Variants in HYDIN observed in about 807,000 individuals in gnomAD.
HYDIN encodes axonemal central pair apparatus protein HYDIN.
In HYDIN, 132 loss-of-function variants were observed where a neutral mutation model predicts 403.9. The ratio of observed to expected loss-of-function variants is 0.33; its 90% CI spans 0.28 to 0.38. HYDIN has a LOEUF of 0.38. HYDIN is among the 10% of genes least tolerant of loss of function. HYDIN has a pLI of 1.00. For synonymous variants in HYDIN, 1,202 were observed against 1,891.7 expected (o/e 0.64, Z 9.46); for missense variants, 2,827 against 5,009.5 (o/e 0.56, Z 13.15).
At chr16:71,009,900 AC>A (rs1273650025) in intron 23 of HYDIN, among the ~76,000 whole-genome samples, 23 of 119,494 alleles carry the variant, frequency 1.9e-4, no homozygotes, top group African/African-American at 8.6e-4. Context: ...CCCTGTCCAT[AC>A]CTTGGTTCTG....
At chr16:70,982,467 T>C (rs1382637870) in intron 28 of HYDIN, among the ~76,000 whole-genome samples, 1 of 149,142 alleles carries the variant, frequency 6.7e-6, no homozygotes, top group African/African-American at 2.5e-5. Context: ...TATTCTGATA[T>C]CCAAACTGAT....
intron 1 of HYDIN, among the ~76,000 whole-genome samples, chr16:71,205,535 C>G (rs560671366): frequency 1.3e-5 from 2 of 152,340 alleles, no homozygotes; most frequent in African/African-American, 4.8e-5. Context: ...AAGCCTTGGG[C>G]CCCAGAGCAG....
chr16:71,004,384 T>G (rs1228750969), intron 23 of HYDIN, among the ~76,000 whole-genome samples: 1 of 151,824 alleles, frequency 6.6e-6, no homozygotes, highest in Non-Finnish European at 1.5e-5. Flanking sequence ...TAACATGTCT[T>G]CATATTTTAA....
chr16:70,896,644 T>C (rs1774440), intron 53 of HYDIN, among the ~76,000 whole-genome samples: 18 of 147,964 alleles, frequency 1.2e-4, no homozygotes, highest in Non-Finnish European at 1.8e-4. Flanking sequence ...ATGTGAGCCA[T>C]CATGCCCAAC....
intron 18 of HYDIN, among the ~76,000 whole-genome samples, chr16:71,052,215 GAACAGTGCCTGATACATA>G (rs1278651642): frequency 6.6e-6 from 1 of 152,136 alleles, no homozygotes; most frequent in Non-Finnish European, 1.5e-5. Flanking sequence ...AAAGGACTTA[GAACAGTGCCTGATACATA>G]ACAAGTGTTA....
At position 70,955,438 on chromosome 16, in the gene HYDIN, G is replaced by A. The variant is rs752398645; in HGVS notation, c.6253C>T (p.Arg2085Trp). The A allele has an allele frequency of 3.4e-5, 55 of 1,613,944 alleles. No homozygotes were observed. The highest frequency in any genetic ancestry group is 4.0e-5 in the Non-Finnish European group (47 of 1,179,990). ...GCCCTGATGCAGAGCTCACGGGCCC[G>A]GATCCCTGGGATGTTGTTGCTGTTG... ...VANSNNIPGI[R>W]ARELCIRAAI... Residue 2085 changes from arginine (R) to tryptophan (W), a missense_variant, in exon 40 of 86, where the codon CGG becomes TGG. By Grantham distance (101) the Arg-to-Trp change is moderately radical. Transcript: ENST00000393567.
At chr16:70,944,153 C>T (rs190503050) in intron 41 of HYDIN, among the ~76,000 whole-genome samples, 15 of 152,310 alleles carry the variant, frequency 9.8e-5, no homozygotes, top group African/African-American at 3.4e-4. Context: ...ATGGAAGGTA[C>T]GTTGTTTGTG....
In HYDIN at chr16:70,973,159, A is replaced by G. The variant is rs369829653; in HGVS notation, c.5379+184T>C. On this transcript the variant is annotated intron_variant, in intron 35 of 85. Coordinates refer to ENST00000393567, the MANE Select transcript of HYDIN (RefSeq NM_001270974.2). ...TGATAAAAACTGATGTGTTAGTCCA[A>G]TGATTCCAGACCACCAGGCCACACA... Among the ~76,000 whole-genome samples the G allele has an allele frequency of 5.5e-3, 831 of 152,344 alleles. 6 individuals carry two copies. The highest frequency in any genetic ancestry group is 0.019 in the African/African-American group (782 of 41,572).
chr16:70,925,768 AAAAC>A (rs1362021727), intron 45 of HYDIN, among the ~76,000 whole-genome samples: 3 of 152,056 alleles, frequency 2.0e-5, no homozygotes, highest in Non-Finnish European at 4.4e-5. Context: ...TTACAAGAAA[AAAAC>A]AAACAACCCC....
chr16:71,185,508 C>T (rs994497522), intron 2 of HYDIN, among the ~76,000 whole-genome samples: 7 of 152,112 alleles, frequency 4.6e-5, no homozygotes, highest in Non-Finnish European at 7.4e-5. Flanking sequence ...GACTACATCA[C>T]TTAGGAATGA....
At position 70,908,331 on chromosome 16, in the gene HYDIN, C is replaced by T; in HGVS notation, c.8317G>A (p.Glu2773Lys). The T allele has an allele frequency of 7.2e-7, 1 of 1,389,488 alleles. No homozygotes were observed. Among genetic ancestry groups the T allele is most frequent in the Non-Finnish European group, 1.0e-6 (1 of 992,394 alleles). The allele number at this position is 1,389,488 out of a possible 1,614,324, so 86.1% of individuals were successfully genotyped here. Residue 2773 changes from glutamate (E) to lysine (K), a missense_variant, in exon 49 of 86, where the codon GAG becomes AAG. By Grantham distance (56) the Glu-to-Lys change is moderately conservative. Transcript: ENST00000393567. ...TACTGGCAGCAAGTTCCTAGGATCT[C>T]AAAGTTAAAGGTTTGGTCAAAGTTC... ...FGNFDQTFNF[E>K]ILGTCCQYQL...
intron 43 of HYDIN, chr16:70,941,389 G>A (rs1298788747): frequency 3.2e-6 from 1 of 312,528 alleles, no homozygotes; most frequent in Non-Finnish European, 5.8e-6. Flanking sequence ...GTCAGGATGG[G>A]ACCCGTAATG....
At chr16:71,210,372 A>G (rs8047583) in intron 1 of HYDIN, among the ~76,000 whole-genome samples, 14,800 of 152,228 alleles carry the variant, frequency 0.097, 954 homozygotes, top group African/African-American at 0.18. Flanking sequence ...CATGGATGGA[A>G]CGTTAGACCA....
intron 16 of HYDIN, 55 bp downstream of exon 16, chr16:71,064,650 T>C (rs2082194856): frequency 6.6e-7 from 1 of 1,508,138 alleles, no homozygotes; most frequent in East Asian, 2.3e-5. Context: ...CTCTTTCTCA[T>C]CAAGGGAACT....
At chr16:70,960,470 T>C (rs994390068) in intron 38 of HYDIN, among the ~76,000 whole-genome samples, 1 of 132,212 alleles carries the variant, frequency 7.6e-6, no homozygotes, top group Non-Finnish European at 1.5e-5. Flanking sequence ...ATTTATCAAA[T>C]GCATTGGCCT....
At chr16:71,188,749 T>G (rs927789438) in intron 1 of HYDIN, among the ~76,000 whole-genome samples, 1 of 152,140 alleles carries the variant, frequency 6.6e-6, no homozygotes, top group African/African-American at 2.4e-5. Context: ...TTGAATGACA[T>G]AACACATTAA....
chr16:70,944,053 T>C (rs116776569), intron 41 of HYDIN, 104 bp from the exon 42 acceptor site: 21,669 of 827,674 alleles, frequency 0.026, 21 homozygotes, highest in African/African-American at 0.089. Context: ...TAATCTGTCA[T>C]TTCCTCATCT....
chr16:71,087,941 G>C (rs2082979195), intron 12 of HYDIN: 1 of 155,896 alleles, frequency 6.4e-6, no homozygotes, highest in South Asian at 2.0e-4. Flanking sequence ...TAGAGAAACT[G>C]TGATAATGGC....
At chr16:71,163,208 C>T (rs1480990136) in intron 5 of HYDIN, among the ~76,000 whole-genome samples, 3 of 151,392 alleles carry the variant, frequency 2.0e-5, no homozygotes, top group Non-Finnish European at 4.4e-5. Context: ...CTACAAGCTC[C>T]GCCTCCCGGG....
Sources: allele counts gnomAD v4.1 joint callset (sites outside exome capture counted in the v4.1 genomes callset), GRCh38; gene constraint gnomAD v4.1.1; transcripts MANE v1.5; gene names NCBI Gene and HGNC (gene_info 2026-07-23, HGNC 2026-07-21).